Variants in LINGO2 observed in about 807,000 individuals in gnomAD.
LINGO2 encodes leucine rich repeat and Ig domain containing 2.
LINGO2 carries 14 observed loss-of-function variants against 30.6 expected under a neutral mutation model. The ratio of observed to expected loss-of-function variants is 0.46; its 90% CI spans 0.30 to 0.72. The LOEUF (loss-of-function observed/expected upper bound fraction) is 0.72, where lower values mean the gene tolerates loss of function less well. LINGO2 is among the 30% of genes least tolerant of loss of function. The pLI is 0.07. For missense variants in LINGO2, 729 were observed against 751.7 expected, an observed-to-expected ratio of 0.97 and a Z score of 0.35; for synonymous variants, 317 against 288.5, an observed-to-expected ratio of 1.10 and a Z score of -1.00.
the LINGO2 span, among the ~76,000 whole-genome samples, chr9:28,729,309 T>C: frequency 1.3e-5 from 2 of 152,294 alleles, no homozygotes; most frequent in South Asian, 2.1e-4. Flanking sequence ...GGTTTATACA[T>C]GTACTCAGAA....
chr9:28,265,639 T>C (rs143881193), intron 4 of LINGO2, among the ~76,000 whole-genome samples: 3 of 152,102 alleles, frequency 2.0e-5, no homozygotes, highest in Non-Finnish European at 4.4e-5. Context: ...AAAAAGATGT[T>C]CTAACTTGAG....
At chr9:28,877,537 G>A in the LINGO2 span, among the ~76,000 whole-genome samples, 1 of 151,920 alleles carries the variant, frequency 6.6e-6, no homozygotes, top group African/African-American at 2.4e-5. Flanking sequence ...GTTTTTCTCA[G>A]GTTTGTCAAA....
chr9:28,295,154 A>G (rs1413532060), intron 4 of LINGO2, 54 bp downstream of exon 6: 1 of 152,466 alleles, frequency 6.6e-6, no homozygotes, highest in Non-Finnish European at 1.5e-5. Flanking sequence ...TTGGCAGCAT[A>G]CTGAAGCCCT....
intron 1 of LINGO2, among the ~76,000 whole-genome samples, chr9:28,631,362 T>C (rs915222103): frequency 4.2e-5 from 6 of 142,424 alleles, no homozygotes; most frequent in Non-Finnish European, 7.6e-5. Flanking sequence ...CCTGTGTCCA[T>C]GTGTTCTATG....
At chr9:29,076,595 A>T in the LINGO2 span, among the ~76,000 whole-genome samples, 65 of 146,722 alleles carry the variant, frequency 4.4e-4, no homozygotes, top group African/African-American at 1.6e-3. Context: ...TATATATATT[A>T]TATATAATTG....
intron 1 of LINGO2, among the ~76,000 whole-genome samples, chr9:28,591,870 T>G (rs1465476298): frequency 6.6e-6 from 1 of 152,048 alleles, no homozygotes; most frequent in African/African-American, 2.4e-5. Context: ...TGCCCACACT[T>G]GGCACAAAGG....
the LINGO2 span, among the ~76,000 whole-genome samples, chr9:29,161,125 G>T: frequency 6.6e-6 from 1 of 152,218 alleles, no homozygotes; most frequent in Non-Finnish European, 1.5e-5. Flanking sequence ...GACCATGAAG[G>T]CAAGGGAGAG....
At chr9:28,878,927 C>G in the LINGO2 span, among the ~76,000 whole-genome samples, 2 of 152,120 alleles carry the variant, frequency 1.3e-5, no homozygotes, top group Non-Finnish European at 2.9e-5. Flanking sequence ...AAAACTGGCA[C>G]AAGACAGGGA....
chr9:28,650,794 C>T (rs535371757), intron 1 of LINGO2, among the ~76,000 whole-genome samples: 1 of 152,300 alleles, frequency 6.6e-6, no homozygotes, highest in African/African-American at 2.4e-5. Flanking sequence ...ATAGTGATCA[C>T]TGTCACTGTA....
At chr9:29,125,052 T>C in the LINGO2 span, among the ~76,000 whole-genome samples, 1 of 152,078 alleles carries the variant, frequency 6.6e-6, no homozygotes, top group Admixed American at 6.6e-5. Context: ...AAATGTGGCA[T>C]ATATACACCC....
In LINGO2 at chr9:28,257,446, C is replaced by G. The variant is rs544079534; in HGVS notation, c.-87+37762G>C. Among the ~76,000 whole-genome samples the G allele has an allele frequency of 8.5e-4, 129 of 151,866 alleles. 1 individual carries two copies. The highest frequency in any genetic ancestry group is 3.0e-3 in the African/African-American group (123 of 41,498). On this transcript the variant is annotated intron_variant, in intron 4 of 5. Coordinates refer to ENST00000379992, the Ensembl canonical transcript of LINGO2. Reference sequence around the variant, plus strand: ...GACTCTTTGTGATTTAAAAGATGGTCTTTAGTAAAAATAGCCTCCCAGAGA... The same window carrying G: ...GACTCTTTGTGATTTAAAAGATGGTGTTTAGTAAAAATAGCCTCCCAGAGA...
rs1184932183 is a variant in LINGO2 at position 28,547,575 on chromosome 9, T to C, written c.-364-71550A>G. On this transcript the variant is annotated intron_variant, in intron 1 of 5. Coordinates refer to ENST00000379992, the Ensembl canonical transcript of LINGO2. ...ACATTTTATTTTCGAAAGGAACATA[T>C]GTTATTTTCATTTGCCTTAAATGAC... 3.3e-5 allele frequency among the ~76,000 whole-genome samples: 5 copies of C among 152,272 alleles called. No homozygotes were observed. The East Asian group carries it at 7.7e-4, about 23-fold the overall frequency.
intron 3 of LINGO2, among the ~76,000 whole-genome samples, chr9:28,362,204 T>C (rs1335642094): frequency 1.6e-5 from 2 of 125,612 alleles, no homozygotes; most frequent in Non-Finnish European, 3.6e-5. Context: ...ATGGTGTAAA[T>C]TGTGTGTGTA....
the LINGO2 span, among the ~76,000 whole-genome samples, chr9:28,857,170 CT>C: frequency 3.3e-5 from 5 of 151,876 alleles, no homozygotes; most frequent in African/African-American, 1.2e-4. Flanking sequence ...CAGATAAAGT[CT>C]GTTAATTGTT....
the LINGO2 span, among the ~76,000 whole-genome samples, chr9:29,059,888 T>C: frequency 2.0e-5 from 3 of 152,054 alleles, no homozygotes. Flanking sequence ...CTTCTGTTAT[T>C]TGAAAGATAA....
At chr9:29,105,292 C>A in the LINGO2 span, among the ~76,000 whole-genome samples, 29,041 of 152,000 alleles carry the variant, frequency 0.19, 2,885 homozygotes, top group South Asian at 0.23. Context: ...ATTGTCACGT[C>A]AGTTTAAGCC....
the LINGO2 span, among the ~76,000 whole-genome samples, chr9:28,858,018 T>C: frequency 1.1e-4 from 16 of 151,962 alleles, no homozygotes; most frequent in African/African-American, 2.9e-4. Flanking sequence ...ATTCTTAGCA[T>C]TGGATAAACA....
chr9:28,423,310 C>G (rs1823280406), intron 2 of LINGO2, among the ~76,000 whole-genome samples: 1 of 151,694 alleles, frequency 6.6e-6, no homozygotes, highest in African/African-American at 2.4e-5. Flanking sequence ...CCATCTTTGC[C>G]AAATAATCCT....
intron 1 of LINGO2, among the ~76,000 whole-genome samples, chr9:28,580,621 T>G (rs1040678414): frequency 5.3e-5 from 8 of 152,044 alleles, no homozygotes; most frequent in Admixed American, 1.3e-4. Flanking sequence ...GAATGTTGTA[T>G]GGTTATACTG....
Sources: allele counts gnomAD v4.1 joint callset (sites outside exome capture counted in the v4.1 genomes callset), GRCh38; gene constraint gnomAD v4.1.1; transcripts MANE v1.5; gene names NCBI Gene and HGNC (gene_info 2026-07-23, HGNC 2026-07-21).